The following NALF1 variants were observed in gnomAD, a reference collection of about 807,000 sequenced individuals.
NALF1 encodes NALCN channel auxiliary factor 1.
Under a neutral mutation model 48.4 loss-of-function variants are expected in NALF1, and 3 were observed. The ratio of observed to expected loss-of-function variants is 0.06; its 90% CI spans 0.03 to 0.16. NALF1 has a LOEUF of 0.16. NALF1 is among the 10% of genes least tolerant of loss of function. The pLI, the probability that NALF1 is intolerant of heterozygous loss-of-function variation, is 1.00. For synonymous variants in NALF1, 262 were observed against 245.7 expected (o/e 1.07, Z -0.62); for missense variants, 526 against 571.5 (o/e 0.92, Z 0.81).
At chr13:107,311,403 T>C (rs932554403) in intron 1 of NALF1, among the ~76,000 whole-genome samples, 5 of 152,164 alleles carry the variant, frequency 3.3e-5, no homozygotes, top group African/African-American at 1.2e-4. Flanking sequence ...TCTTAAAACA[T>C]ACAGTATCTC....
chr13:107,168,954 A>G lies in NALF1; in HGVS notation c.*1543T>C, dbSNP rs1383525559. On this transcript the variant is annotated 3_prime_UTR_variant, in exon 3 of 3. Transcript: ENST00000375915. ...AAGTGTAGTTAGAGAATAGGAAGGA[A>G]TGTAAAATTTTTTTTTTAATTATTT... 1 of 84,076 alleles carries G rather than the reference A, an allele frequency of 1.2e-5. No homozygotes were observed. The highest frequency in any genetic ancestry group is 2.4e-5 in the Non-Finnish European group (1 of 40,920). 5.2% of individuals were successfully genotyped at this position (84,076 alleles called of 1,614,324 possible).
intron 2 of NALF1, among the ~76,000 whole-genome samples, chr13:107,175,758 C>A (rs1000549247): frequency 1.3e-5 from 2 of 152,174 alleles, no homozygotes; most frequent in Non-Finnish European, 2.9e-5. Flanking sequence ...GGCACAGACT[C>A]CTCCAGTTGG....
At chr13:107,646,090 A>C (rs1433187479) in intron 1 of NALF1, among the ~76,000 whole-genome samples, 1 of 152,164 alleles carries the variant, frequency 6.6e-6, no homozygotes, top group African/African-American at 2.4e-5. Flanking sequence ...CAGCCCTTCT[A>C]GCACTGACCA....
At chr13:107,434,715 C>T (rs964533736) in intron 1 of NALF1, among the ~76,000 whole-genome samples, 12 of 152,292 alleles carry the variant, frequency 7.9e-5, no homozygotes, top group African/African-American at 2.9e-4. Flanking sequence ...AAGCAAGGCC[C>T]TTAAAAGACT....
chr13:107,199,773 A>G (rs1268169153), intron 2 of NALF1, among the ~76,000 whole-genome samples: 1 of 152,150 alleles, frequency 6.6e-6, no homozygotes, highest in African/African-American at 2.4e-5. Context: ...TTTGACATGA[A>G]ATACTGAGAT....
At chr13:107,459,826 G>C (rs997472752) in intron 1 of NALF1, among the ~76,000 whole-genome samples, 3 of 151,894 alleles carry the variant, frequency 2.0e-5, no homozygotes, top group Non-Finnish European at 4.4e-5. Flanking sequence ...CTGCAGCCTC[G>C]ACCTCCCAAG....
chr13:107,181,361 C>A (rs980217943), intron 2 of NALF1, among the ~76,000 whole-genome samples: 6 of 151,402 alleles, frequency 4.0e-5, no homozygotes, highest in African/African-American at 1.4e-4. Flanking sequence ...AAAAATAAAA[C>A]ACTTACTGAT....
At chr13:107,178,893 C>A (rs960521536) in intron 2 of NALF1, among the ~76,000 whole-genome samples, 4 of 151,606 alleles carry the variant, frequency 2.6e-5, no homozygotes, top group Non-Finnish European at 5.9e-5. Flanking sequence ...TGCAGTGAGC[C>A]GCGATCCCGC....
chr13:107,398,017 C>T (rs901086321), intron 1 of NALF1, among the ~76,000 whole-genome samples: 2 of 152,138 alleles, frequency 1.3e-5, no homozygotes. Context: ...CTCCACCAGC[C>T]TGACAAGGTT....
At chr13:107,380,388 T>G (rs572349103) in intron 1 of NALF1, among the ~76,000 whole-genome samples, 3 of 152,150 alleles carry the variant, frequency 2.0e-5, no homozygotes, top group Non-Finnish European at 4.4e-5. Context: ...GAAACTCTTG[T>G]ATAAGGACAG....
chr13:107,514,281 C>T (rs1235634465), intron 1 of NALF1, among the ~76,000 whole-genome samples: 1 of 152,098 alleles, frequency 6.6e-6, no homozygotes, highest in Non-Finnish European at 1.5e-5. Context: ...CTTATGGAAG[C>T]TGAGAAAAAA....
chr13:107,201,018 C>G (rs879557001), intron 2 of NALF1, among the ~76,000 whole-genome samples: 1 of 152,080 alleles, frequency 6.6e-6, no homozygotes, highest in Non-Finnish European at 1.5e-5. Context: ...TTTACCACAT[C>G]GGCAGACACG....
Position 107,467,863 on chromosome 13 carries a change from A to T in NALF1, c.916-257108T>A, listed in dbSNP as rs568918137. On this transcript the variant is annotated intron_variant, in intron 1 of 2. Transcript: ENST00000375915. ...AGACCATTCTGGCTAACATGGTGAA[A>T]CCCCATCTCTACAAAAAAATAAATA... 1.3e-3 allele frequency among the ~76,000 whole-genome samples: 199 copies of T among 152,052 alleles called. 1 individual carries two copies. The highest frequency in any genetic ancestry group is 4.6e-3 in the African/African-American group (189 of 41,478).
intron 1 of NALF1, among the ~76,000 whole-genome samples, chr13:107,470,183 T>C (rs895410477): frequency 6.6e-6 from 1 of 152,230 alleles, no homozygotes; most frequent in African/African-American, 2.4e-5. Flanking sequence ...AAAGGTCTAA[T>C]GGTCCCTAAC....
chr13:107,439,483 T>G (rs890316338), intron 1 of NALF1, among the ~76,000 whole-genome samples: 8 of 152,196 alleles, frequency 5.3e-5, no homozygotes, highest in Non-Finnish European at 8.8e-5. Context: ...CAGTGAAGAA[T>G]GACATTTCCC....
At chr13:107,655,626 C>T (rs1425589709) in intron 1 of NALF1, among the ~76,000 whole-genome samples, 1 of 151,942 alleles carries the variant, frequency 6.6e-6, no homozygotes, top group Non-Finnish European at 1.5e-5. Flanking sequence ...CATCAAAATA[C>T]CATGATGATT....
intron 1 of NALF1, among the ~76,000 whole-genome samples, chr13:107,315,976 C>T (rs1361126749): frequency 6.6e-6 from 1 of 151,776 alleles, no homozygotes; most frequent in South Asian, 2.1e-4. Context: ...TATACATGTG[C>T]CATGTTGGTG....
At position 107,269,355 on chromosome 13, in the gene NALF1, T is replaced by C. The variant is rs944971715; in HGVS notation, c.916-58600A>G. Among the ~76,000 whole-genome samples, 58 of 152,090 alleles carry C rather than the reference T, an allele frequency of 3.8e-4. 1 individual carries two copies. Among genetic ancestry groups the C allele is most frequent in the African/African-American group, 1.3e-3 (54 of 41,470 alleles). On this transcript the variant is annotated intron_variant, in intron 1 of 2. Transcript: ENST00000375915. The stretch of plus-strand genomic sequence containing the variant: ...CAAAAGACATGGAGTTGGTAATTGA[T>C]TGGATAAATTTATATCTTGCAGAGT...
intron 1 of NALF1, among the ~76,000 whole-genome samples, chr13:107,233,002 C>A (rs139366153): frequency 1.3e-5 from 2 of 152,276 alleles, no homozygotes; most frequent in East Asian, 3.9e-4. Context: ...AAGATTGGAT[C>A]CAAACGGACC....
Sources: allele counts gnomAD v4.1 joint callset (sites outside exome capture counted in the v4.1 genomes callset), GRCh38; gene constraint gnomAD v4.1.1; transcripts MANE v1.5; gene names NCBI Gene and HGNC (gene_info 2026-07-23, HGNC 2026-07-21).